XKR9: variants seen among roughly 807,000 people sequenced by gnomAD.
XKR9 encodes the protein XK-related protein 9.
Under a neutral mutation model 32.0 loss-of-function variants are expected in XKR9, and 32 were observed. The ratio of observed to expected loss-of-function variants is 1.00; its 90% CI spans 0.76 to 1.34. XKR9 has a LOEUF of 1.34. XKR9 is among the 40% of genes most tolerant of loss of function. The pLI, the probability that XKR9 is intolerant of heterozygous loss-of-function variation, is 0.00. For synonymous variants in XKR9, 168 were observed against 143.4 expected, an observed-to-expected ratio of 1.17 and a Z score of -1.22; for missense variants, 546 against 429.7, an observed-to-expected ratio of 1.27 and a Z score of -2.39.
chr8:70,860,488 T>A, the XKR9 span, among the ~76,000 whole-genome samples: 158 of 152,284 alleles, frequency 1.0e-3, 1 homozygote, highest in Middle Eastern at 6.8e-3. Flanking sequence ...GTTATGGCAC[T>A]TTGTTATAGC....
Position 70,712,765 on chromosome 8 carries a change from A to G in XKR9, c.493+5612A>G, listed in dbSNP as rs187186369. Among the ~76,000 whole-genome samples the G allele has an allele frequency of 2.9e-3, 446 of 152,330 alleles. 6 individuals are homozygous for G. The highest frequency in any genetic ancestry group is 0.01 in the African/African-American group (417 of 41,592). On this transcript the variant is annotated intron_variant, in intron 4 of 4. Coordinates refer to ENST00000408926, the MANE Select transcript of XKR9 (RefSeq NM_001011720.2). Reference sequence around the variant, plus strand: ...CAAAAACTCTAACAAAAGACAAGCCATGAATATAGTTTAGAGTGATTCTAG... The same window carrying G: ...CAAAAACTCTAACAAAAGACAAGCCGTGAATATAGTTTAGAGTGATTCTAG...
the XKR9 span, among the ~76,000 whole-genome samples, chr8:70,927,734 T>A: frequency 1.3e-5 from 2 of 152,164 alleles, no homozygotes; most frequent in African/African-American, 2.4e-5. Flanking sequence ...CACTGAAAAT[T>A]AAGTTTCAAC....
chr8:70,893,319 C>CT, the XKR9 span, among the ~76,000 whole-genome samples: 1 of 152,190 alleles, frequency 6.6e-6, no homozygotes, highest in South Asian at 2.1e-4. Flanking sequence ...ATTTTAGCTT[C>CT]TTTTTTTGGT....
At chr8:70,755,477 T>C (rs1807208371) in intron 2 of XKR9, among the ~76,000 whole-genome samples, 1 of 152,172 alleles carries the variant, frequency 6.6e-6, no homozygotes, top group Non-Finnish European at 1.5e-5. Flanking sequence ...TATTGTGGCA[T>C]TATTCACAAT....
intron 1 of XKR9, among the ~76,000 whole-genome samples, chr8:70,674,449 T>G (rs1818820577): frequency 6.6e-6 from 1 of 152,192 alleles, no homozygotes; most frequent in South Asian, 2.1e-4. Context: ...GGCACAAGAT[T>G]TGAGAAGGTA....
At chr8:71,032,677 T>C in the XKR9 span, among the ~76,000 whole-genome samples, 1 of 152,192 alleles carries the variant, frequency 6.6e-6, no homozygotes, top group Non-Finnish European at 1.5e-5. Context: ...AACAATTTTG[T>C]CAGATGATTC....
At chr8:70,866,000 T>A in the XKR9 span, among the ~76,000 whole-genome samples, 12 of 152,232 alleles carry the variant, frequency 7.9e-5, no homozygotes, top group Admixed American at 7.9e-4. Flanking sequence ...TAATTTACTC[T>A]GTAATATACC....
At chr8:70,706,877 C>A (rs1240498977) in intron 3 of XKR9, 56 bp from the exon 4 acceptor site, 2 of 1,400,298 alleles carry the variant, frequency 1.4e-6, no homozygotes, top group Non-Finnish European at 2.0e-6. Context: ...TGTGTATTAA[C>A]AGACATGTTA....
chr8:70,924,516 C>T, the XKR9 span, among the ~76,000 whole-genome samples: 1 of 152,310 alleles, frequency 6.6e-6, no homozygotes, highest in East Asian at 1.9e-4. Flanking sequence ...TTCTTCCATA[C>T]TACTGAGACT....
chr8:70,840,247 A>G, the XKR9 span, among the ~76,000 whole-genome samples: 1 of 152,306 alleles, frequency 6.6e-6, no homozygotes, highest in African/African-American at 2.4e-5. Context: ...TTGCAAAGGT[A>G]CTGTAACCTC....
chr8:70,798,968 G>A, the XKR9 span, among the ~76,000 whole-genome samples: 1 of 152,216 alleles, frequency 6.6e-6, no homozygotes, highest in Admixed American at 6.5e-5. Context: ...AGTATAGTTT[G>A]AAGGCAGGTA....
chr8:71,020,742 C>A, the XKR9 span, among the ~76,000 whole-genome samples: 2 of 152,150 alleles, frequency 1.3e-5, no homozygotes, highest in East Asian at 3.9e-4. Flanking sequence ...CGGGCATTTA[C>A]CATTCCAATG....
the XKR9 span, among the ~76,000 whole-genome samples, chr8:70,819,795 T>A: frequency 6.6e-6 from 1 of 152,160 alleles, no homozygotes; most frequent in African/African-American, 2.4e-5. Context: ...AGTTAATCGT[T>A]CCTGTAGGGC....
rs1350620498 is a variant in XKR9 at position 70,781,987 on chromosome 8, A to G, written n.353-7352A>G. On this transcript the variant is annotated intron_variant and non_coding_transcript_variant, in intron 2 of 3. Transcript: ENST00000520273. ...ATGTGGTTAGAACTTTACAAGACAC[A>G]CTTACATACACAACTATGATTGTAA... Among the ~76,000 whole-genome samples the G allele has an allele frequency of 3.3e-5, 5 of 152,314 alleles. No homozygotes were observed. The East Asian group carries it at 9.6e-4, about 29-fold the overall frequency.
chr8:70,857,566 A>C, the XKR9 span, among the ~76,000 whole-genome samples: 6 of 152,192 alleles, frequency 3.9e-5, no homozygotes, highest in Admixed American at 1.3e-4. Context: ...TTCCTTCTGA[A>C]ACTATTCCAA....
the XKR9 span, among the ~76,000 whole-genome samples, chr8:70,912,801 G>T: frequency 6.6e-6 from 1 of 151,998 alleles, no homozygotes; most frequent in Non-Finnish European, 1.5e-5. Flanking sequence ...AGAAGAAGAG[G>T]TAGGTAGTGT....
the XKR9 span, among the ~76,000 whole-genome samples, chr8:70,803,587 C>T: frequency 2.9e-4 from 44 of 152,296 alleles, no homozygotes; most frequent in Admixed American, 2.5e-3. Context: ...TTTGAAGTTG[C>T]TGTCCTTTGG....
At chr8:70,808,848 C>G in the XKR9 span, among the ~76,000 whole-genome samples, 2 of 152,222 alleles carry the variant, frequency 1.3e-5, no homozygotes, top group Admixed American at 1.3e-4. Flanking sequence ...CTGCCTGCCT[C>G]TGTAGACTCC....
chr8:70,943,167 T>C, the XKR9 span, among the ~76,000 whole-genome samples: 1 of 152,228 alleles, frequency 6.6e-6, no homozygotes, highest in African/African-American at 2.4e-5. Flanking sequence ...TTCAGTATTA[T>C]CTGCATGGTT....
Sources: gnomAD v4.1 joint callset for allele counts (sites outside exome capture counted in the v4.1 genomes callset) on GRCh38, gnomAD v4.1.1 for gene constraint, MANE v1.5 for transcripts, NCBI Gene and HGNC (gene_info 2026-07-23, HGNC 2026-07-21) for gene names.